The following DENND2B variants were observed in gnomAD, a reference collection of about 807,000 sequenced individuals.
DENND2B encodes DENN domain containing 2B, also known as DENN domain-containing protein 2B.
In DENND2B, 32 loss-of-function variants were observed where a neutral mutation model predicts 116.0. That is an observed-to-expected ratio of 0.28 (90% confidence interval 0.21 to 0.37). The LOEUF (loss-of-function observed/expected upper bound fraction) is 0.37, where lower values mean the gene tolerates loss of function less well. Ranked by LOEUF, DENND2B falls within the 10% of genes least tolerant of loss-of-function variation. The pLI is 1.00. For missense variants in DENND2B, 1,276 were observed against 1,477.7 expected (o/e 0.86, Z 2.24); for synonymous variants, 588 against 583.9 (o/e 1.01, Z -0.10).
At chr11:8,725,933 A>C in intron 4 of DENND2B, 140 bp downstream of exon 4, 2 of 1,235,482 alleles carry the variant, frequency 1.6e-6, no homozygotes, top group African/African-American at 3.0e-5. Flanking sequence ...GCTTCCCCTG[A>C]TGTCCCATTC....
intron 1 of DENND2B, among the ~76,000 whole-genome samples, chr11:8,797,430 C>CCTTACCCCTTCTTCCCCCTT (rs1565969647): frequency 4.8e-5 from 7 of 146,062 alleles, no homozygotes; most frequent in African/African-American, 1.8e-4. Context: ...ATTCTTATCC[C>CCTTACCCCTTCTTCCCCCTT]CTTCCCCCTT....
At chr11:8,720,598 A>T (rs535394656) in intron 4 of DENND2B, among the ~76,000 whole-genome samples, 1 of 152,222 alleles carries the variant, frequency 6.6e-6, no homozygotes, top group Non-Finnish European at 1.5e-5. Context: ...GGCTGGCTGC[A>T]GCCCACACGC....
intron 3 of DENND2B, among the ~76,000 whole-genome samples, chr11:8,839,879 G>A (rs931717306): frequency 6.6e-6 from 1 of 152,148 alleles, no homozygotes; most frequent in African/African-American, 2.4e-5. Context: ...ATGAGAAAAG[G>A]ACTAAGAGAA....
Position 8,730,328 on chromosome 11 carries a change from C to G in DENND2B, c.962G>C (p.Gly321Ala). The G allele has an allele frequency of 1.2e-6, 2 of 1,600,960 alleles. No individual in the cohort carries two copies. The highest frequency in any genetic ancestry group is 2.2e-5 in the South Asian group (2 of 90,370). ...GCCCCCTGCCGGCTCCTCCAAGGAG[C>G]CCAAGGTTCCAGTCTTCCTTTTCCC... ...DRGKRKTGTL[G>A]SLEEPAGGAS... The change falls in exon 3 of 20, where the codon GGC becomes GCC. Residue 321 changes from glycine (G) to alanine (A), a missense_variant. By Grantham distance (60) the Gly-to-Ala change is moderately conservative. Coordinates refer to ENST00000313726, the MANE Select transcript of DENND2B (RefSeq NM_213618.2). The surrounding 1 kb of genome is among the most constrained non-coding windows in gnomAD (Gnocchi z 4.1).
At chr11:8,804,547 C>CTTTTT (rs58169547) in intron 1 of DENND2B, among the ~76,000 whole-genome samples, 109,007 of 129,462 alleles carry the variant, frequency 0.84, 46,732 homozygotes, top group Admixed American at 0.91. Context: ...GCAGCTACTT[C>CTTTTT]TTTTTTTTTT....
intron 3 of DENND2B, among the ~76,000 whole-genome samples, chr11:8,848,930 T>A (rs2062902757): frequency 6.6e-6 from 1 of 152,036 alleles, no homozygotes; most frequent in Admixed American, 6.5e-5. Flanking sequence ...AACCCAGGGT[T>A]TATCCAGGGA....
At chr11:8,755,782 T>C (rs1440162023) in intron 1 of DENND2B, among the ~76,000 whole-genome samples, 3 of 152,132 alleles carry the variant, frequency 2.0e-5, no homozygotes, top group African/African-American at 7.2e-5. Flanking sequence ...GCCACCATGC[T>C]TGGCCCTATA....
intron 1 of DENND2B, among the ~76,000 whole-genome samples, chr11:8,788,240 T>G (rs1565950319): frequency 6.6e-6 from 1 of 152,128 alleles, no homozygotes; most frequent in Non-Finnish European, 1.5e-5. Context: ...AGAAAAGCAT[T>G]GGGGTTACTA....
chr11:8,910,709 AGT>A (rs56115841), intron 1 of DENND2B: 2,136 of 72,088 alleles, frequency 0.03, 190 homozygotes, highest in African/African-American at 0.088. Flanking sequence ...ACTCCTGGCT[AGT>A]GTGTGTGTGT....
intron 2 of DENND2B, among the ~76,000 whole-genome samples, chr11:8,743,133 TGA>T (rs2050529661): frequency 6.6e-6 from 1 of 152,156 alleles, no homozygotes; most frequent in Admixed American, 6.5e-5. Context: ...TGTGTGTGTG[TGA>T]GTGTGTGTGT....
At chr11:8,842,312 G>C (rs1376925986) in intron 3 of DENND2B, among the ~76,000 whole-genome samples, 3 of 152,186 alleles carry the variant, frequency 2.0e-5, no homozygotes, top group African/African-American at 7.2e-5. Context: ...TTACCTTGCT[G>C]TGCTGGTCAC....
chr11:8,801,658 C>A (rs2060326391), intron 1 of DENND2B, among the ~76,000 whole-genome samples: 1 of 134,138 alleles, frequency 7.5e-6, no homozygotes, highest in African/African-American at 2.8e-5. Context: ...GCCTAGGTGA[C>A]AGGGCAAGAC....
upstream of DENND2B, among the ~76,000 whole-genome samples, chr11:8,814,720 G>A (rs1158661732): frequency 6.6e-6 from 1 of 152,122 alleles, no homozygotes; most frequent in Admixed American, 6.5e-5. Flanking sequence ...CTTAGGATAC[G>A]AACCTTGACT....
intron 2 of DENND2B, among the ~76,000 whole-genome samples, chr11:8,742,036 G>A (rs547786944): frequency 7.9e-4 from 120 of 152,310 alleles, no homozygotes; most frequent in African/African-American, 2.8e-3. Context: ...GAGCACAGGT[G>A]CATTCCAGCA....
intron 4 of DENND2B, among the ~76,000 whole-genome samples, chr11:8,721,232 G>C (rs1048353040): frequency 1.3e-5 from 2 of 151,486 alleles, no homozygotes; most frequent in Non-Finnish European, 2.9e-5. Flanking sequence ...GAAGAATCCA[G>C]CCCCTCTGGG....
intron 1 of DENND2B, among the ~76,000 whole-genome samples, chr11:8,890,674 G>A (rs920410462): frequency 1.8e-4 from 28 of 152,144 alleles, no homozygotes; most frequent in Non-Finnish European, 2.2e-4. Context: ...AATGAAGTGA[G>A]AAGAGAAGTT....
rs2041886374 is a variant in DENND2B, at chr11:8,702,516, G to A, written c.2720+56C>T. On this transcript the variant is annotated intron_variant, in intron 14 of 19. Transcript: ENST00000313726. This position sits in a 1 kb window ranked among gnomAD's most constrained non-coding sequence, Gnocchi z 4.6. ...TAGGCTCCTGAACACTTGCTGATTC[G>A]CTTGTGGGTGTGCCTTCCCCCCTCC... 13 of 1,601,862 alleles carry A rather than the reference G, an allele frequency of 8.1e-6. No individual in the cohort carries two copies. The highest frequency in any genetic ancestry group is 2.2e-5 in the East Asian group (1 of 44,774).
At chr11:8,900,691 G>A (rs569677925) in intron 1 of DENND2B, among the ~76,000 whole-genome samples, 1 of 151,872 alleles carries the variant, frequency 6.6e-6, no homozygotes, top group East Asian at 2.0e-4. Flanking sequence ...TAAAGGCCGG[G>A]TGCGGTGGCT....
chr11:8,863,143 C>T (rs1237571498), intron 2 of DENND2B, among the ~76,000 whole-genome samples: 1 of 151,582 alleles, frequency 6.6e-6, no homozygotes, highest in Admixed American at 6.6e-5. Context: ...TAGGGGGACC[C>T]CGTCTCTAAA....
Sources: gnomAD v4.1 joint callset for allele counts (sites outside exome capture counted in the v4.1 genomes callset) on GRCh38, gnomAD v4.1.1 for gene constraint, Gnocchi (gnomAD v3.1) non-coding constraint, MANE v1.5 for transcripts, NCBI Gene and HGNC (gene_info 2026-07-23, HGNC 2026-07-21) for gene names.